The following HEXB variants were observed in gnomAD, a reference collection of about 807,000 sequenced individuals.
HEXB encodes the protein hexosaminidase subunit beta, also known as beta-hexosaminidase subunit beta.
Under a neutral mutation model 71.2 loss-of-function variants are expected in HEXB, and 51 were observed. The ratio of observed to expected loss-of-function variants is 0.72; its 90% CI spans 0.57 to 0.90. The LOEUF (loss-of-function observed/expected upper bound fraction) is 0.90, where lower values mean the gene tolerates loss of function less well. Ranked by LOEUF, HEXB falls within the 40% of genes least tolerant of loss-of-function variation. HEXB has a pLI of 0.00. For missense variants in HEXB, 617 were observed against 677.0 expected (o/e 0.91, Z 0.98); for synonymous variants, 266 against 249.3 (o/e 1.07, Z -0.63).
At chr5:74,685,642 A>G (rs1446222987) in intron 1 of HEXB, 83 bp downstream of exon 1, 1 of 1,271,792 alleles carries the variant, frequency 7.9e-7, no homozygotes, top group African/African-American at 1.6e-5. Context: ...GACCCTCACC[A>G]CCCCACTGCG....
In HEXB at chr5:74,685,536, C is replaced by T. The variant is rs140509633; in HGVS notation, c.276C>T (p.Thr92=). The part of the protein sequence containing the change: ...SPNSTAGPSC[T]LLEEAFRRYH... ...ATTCCACGGCGGGCCCCTCCTGCAC[C>T]CTGCTGGAGGAAGCGTTTCGACGGT... The change falls in exon 1 of 14, where the codon ACC becomes ACT. Residue 92 remains threonine (T), a synonymous_variant. Coordinates refer to ENST00000261416, the MANE Select transcript of HEXB (RefSeq NM_000521.4). The T allele has an allele frequency of 9.5e-4, 1,498 of 1,572,176 alleles. 18 individuals are homozygous for T. The African/African-American group carries it at 0.018, about 19-fold the overall frequency.
rs781282778 is a variant in HEXB at position 74,685,473 on chromosome 5, T to A, written c.213T>A (p.His71Gln). 4.3e-6 allele frequency: 7 copies of A among 1,611,404 alleles called. No homozygotes were observed. The South Asian group carries it at 7.7e-5, about 18-fold the overall frequency. Reference protein sequence around the residue: ...LLVKMTPNLLHLAPENFYISH... With the variant: ...LLVKMTPNLLQLAPENFYISH... ...TGAAGATGACCCCGAACCTGCTGCA[T>A]CTCGCCCCGGAGAACTTCTACATCA... is the stretch of plus-strand genomic sequence containing the variant. The change falls in exon 1 of 14, where the codon CAT becomes CAA. Residue 71 changes from histidine to glutamine, a missense_variant. By Grantham distance (24) the His-to-Gln change is conservative (BLOSUM62 0). Coordinates refer to ENST00000261416, the MANE Select transcript of HEXB (RefSeq NM_000521.4).
rs1412818957 is a variant in HEXB, at chr5:74,664,433, A to T, written c.-377+23875A>T. Among the ~76,000 whole-genome samples the T allele has an allele frequency of 5.9e-5, 4 of 68,022 alleles. No individual in the cohort carries two copies. The East Asian group carries it at 1.2e-3, about 20-fold the overall frequency. 44.6% of individuals were successfully genotyped at this position (68,022 alleles called of 152,430 possible). The stretch of plus-strand genomic sequence containing the variant: ...CAATAGAGCAAGATTCTATCTCTAA[A>T]AAAAAAAAAAAAAAAAAAAACAGAG... On this transcript the variant is annotated intron_variant, in intron 1 of 13. Transcript: ENST00000511181.
At chr5:74,705,657 A>AT in intron 6 of HEXB, 1 of 261,192 alleles carries the variant, frequency 3.8e-6, no homozygotes, top group Non-Finnish European at 7.5e-6. Context: ...TGTTTTAAAC[A>AT]TAATTGTTTG....
At chr5:74,711,233 T>C (rs1276865563) in intron 6 of HEXB, among the ~76,000 whole-genome samples, 1 of 149,388 alleles carries the variant, frequency 6.7e-6, no homozygotes, top group Non-Finnish European at 1.5e-5. Flanking sequence ...GCTAGCCATA[T>C]GTAGAAAGCT....
At chr5:74,690,227 G>A (rs1278274149) in intron 2 of HEXB, among the ~76,000 whole-genome samples, 2 of 152,070 alleles carry the variant, frequency 1.3e-5, no homozygotes, top group Non-Finnish European at 2.9e-5. Context: ...CAAATAAGTG[G>A]GCGTGCCATT....
intron 1 of HEXB, among the ~76,000 whole-genome samples, chr5:74,686,045 A>G (rs1309989307): frequency 2.0e-5 from 3 of 152,082 alleles, no homozygotes; most frequent in Non-Finnish European, 4.4e-5. Flanking sequence ...AGAAGTCCTC[A>G]GTTTCGAGCA....
intron 6 of HEXB, among the ~76,000 whole-genome samples, chr5:74,712,908 A>G (rs901680938): frequency 2.6e-5 from 4 of 152,158 alleles, no homozygotes; most frequent in Admixed American, 6.5e-5. Flanking sequence ...CTATAAAGGG[A>G]CTGAGGTAAT....
intron 6 of HEXB, among the ~76,000 whole-genome samples, chr5:74,711,873 C>T (rs1052538719): frequency 6.6e-5 from 10 of 151,228 alleles, no homozygotes; most frequent in Non-Finnish European, 1.3e-4. Flanking sequence ...GTCAGTGTGG[C>T]GATTCCTCAG....
chr5:74,674,280 A>T (rs1430057875), intron 1 of HEXB, among the ~76,000 whole-genome samples: 1 of 152,176 alleles, frequency 6.6e-6, no homozygotes, highest in Non-Finnish European at 1.5e-5. Flanking sequence ...TAAATCTATA[A>T]CAAGAGTCCA....
intron 6 of HEXB, among the ~76,000 whole-genome samples, chr5:74,707,998 C>G (rs1407934272): frequency 6.6e-6 from 1 of 151,864 alleles, no homozygotes; most frequent in Non-Finnish European, 1.5e-5. Flanking sequence ...TCAGATTCAC[C>G]AAAGTTGAAA....
At chr5:74,656,015 A>T (rs1424875109) in intron 1 of HEXB, among the ~76,000 whole-genome samples, 1 of 152,234 alleles carries the variant, frequency 6.6e-6, no homozygotes, top group Non-Finnish European at 1.5e-5. Context: ...GCTATTAAGT[A>T]GCTAGTTCAT....
At chr5:74,696,197 G>A (rs1749109688) in intron 3 of HEXB, among the ~76,000 whole-genome samples, 1 of 152,174 alleles carries the variant, frequency 6.6e-6, no homozygotes, top group South Asian at 2.1e-4. Context: ...ATCCACTTGA[G>A]TAAAAAATGT....
At chr5:74,687,849 C>G (rs1383854381) in intron 1 of HEXB, among the ~76,000 whole-genome samples, 1 of 152,094 alleles carries the variant, frequency 6.6e-6, no homozygotes, top group East Asian at 1.9e-4. Flanking sequence ...TGGTTAACTT[C>G]CATACACTTC....
chr5:74,687,434 G>A (rs1164986126), intron 1 of HEXB, among the ~76,000 whole-genome samples: 1 of 152,206 alleles, frequency 6.6e-6, no homozygotes, highest in Non-Finnish European at 1.5e-5. Flanking sequence ...GAGTTTGGCT[G>A]TTAGATGCAT....
At chr5:74,720,380 G>A in intron 11 of HEXB, 48 bp from the exon 12 acceptor site, 1 of 1,279,452 alleles carries the variant, frequency 7.8e-7, no homozygotes, top group Non-Finnish European at 1.1e-6. Flanking sequence ...TATTGCCTCT[G>A]TGTATAAGCT....
In HEXB at chr5:74,652,625, T is replaced by C. The variant is rs1041204781; in HGVS notation, c.-377+12067T>C. ...TCTGCTAGTTTGGTGGAAACTTCATTTGAGTCATGTAAGGGATTCCCTCCC... is the reference window on the plus strand; with the variant it reads ...TCTGCTAGTTTGGTGGAAACTTCATCTGAGTCATGTAAGGGATTCCCTCCC... On this transcript the variant is annotated intron_variant, in intron 1 of 13. Transcript: ENST00000511181. The surrounding 1 kb of genome is among the most constrained non-coding windows in gnomAD (Gnocchi z 5.4). Among the ~76,000 whole-genome samples, 31 of 152,180 alleles carry C rather than the reference T, an allele frequency of 2.0e-4. No individual in the cohort carries two copies. Among genetic ancestry groups the C allele is most frequent in the African/African-American group, 7.0e-4 (29 of 41,448 alleles).
intron 1 of HEXB, among the ~76,000 whole-genome samples, chr5:74,661,513 CTGTGTGTGTGTGTG>C (rs1179218651): frequency 0.39 from 33,335 of 84,406 alleles, 4,320 homozygotes; most frequent in Admixed American, 0.41. Flanking sequence ...TTCTCTCTCT[CTGTGTGTGTGTGTG>C]TGTGTGTGTG....
At chr5:74,650,565 C>A (rs915718902) in intron 1 of HEXB, among the ~76,000 whole-genome samples, 2 of 152,114 alleles carry the variant, frequency 1.3e-5, no homozygotes, top group African/African-American at 4.8e-5. Flanking sequence ...TTCCTCTTGT[C>A]CCTCGGTACT....
Sources: allele counts gnomAD v4.1 joint callset (sites outside exome capture counted in the v4.1 genomes callset), GRCh38; gene constraint gnomAD v4.1.1; non-coding constraint Gnocchi (gnomAD v3.1); transcripts MANE v1.5; gene names NCBI Gene and HGNC (gene_info 2026-07-23, HGNC 2026-07-21).